CAPN3: variants seen among roughly 807,000 people sequenced by gnomAD.
CAPN3 encodes the protein calpain-3.
CAPN3 carries 88 observed loss-of-function variants against 114.0 expected under a neutral mutation model. That is an observed-to-expected ratio of 0.77 (90% CI 0.65 to 0.92). The LOEUF (loss-of-function observed/expected upper bound fraction) is 0.92, where lower values mean the gene tolerates loss of function less well. CAPN3 is among the 40% of genes least tolerant of loss of function. The probability of loss-of-function intolerance (pLI) is 0.00; values close to 1 mark genes in which losing one functional copy is unlikely to be tolerated. For missense variants in CAPN3, 1,028 were observed against 1,069.0 expected (o/e 0.96, Z 0.53); for synonymous variants, 386 against 382.9 (o/e 1.01, Z -0.09).
chr15:42,385,949 A>C, intron 2 of CAPN3: 1 of 722,294 alleles, frequency 1.4e-6, no homozygotes, highest in Non-Finnish European at 2.5e-6. Flanking sequence ...ATGTCTAGTC[A>C]CAAGGGAGTA....
intron 23 of CAPN3, 73 bp from the exon 24 acceptor site, chr15:42,411,674 T>C: frequency 1.7e-6 from 1 of 598,580 alleles, no homozygotes; most frequent in Non-Finnish European, 2.8e-6. Flanking sequence ...TCTTGCCCCG[T>C]AAGATTCCTA....
chr15:42,366,014 T>C (rs1312021065), intron 1 of CAPN3, among the ~76,000 whole-genome samples: 1 of 152,234 alleles, frequency 6.6e-6, no homozygotes, highest in African/African-American at 2.4e-5. Flanking sequence ...GTCTAGAAGA[T>C]TCTCAATACT....
chr15:42,387,724 G>T, intron 3 of CAPN3, 29 bp from the exon 4 acceptor site: 1 of 1,614,108 alleles, frequency 6.2e-7, no homozygotes, highest in Non-Finnish European at 8.5e-7. Context: ...ATTTGAGTAT[G>T]TGACTCTGTG....
intron 1 of CAPN3, among the ~76,000 whole-genome samples, chr15:42,371,429 A>G (rs990286199): frequency 3.9e-5 from 6 of 152,116 alleles, no homozygotes; most frequent in African/African-American, 1.4e-4. Flanking sequence ...GAAAAGATGC[A>G]TTTTCCTAAT....
intron 1 of CAPN3, among the ~76,000 whole-genome samples, chr15:42,365,946 G>T (rs2052766422): frequency 6.6e-6 from 1 of 152,126 alleles, no homozygotes; most frequent in African/African-American, 2.4e-5. Flanking sequence ...CTTATTTTAA[G>T]AATAGAGTTT....
chr15:42,406,407 C>T (rs541281031), intron 15 of CAPN3, among the ~76,000 whole-genome samples: 46 of 152,248 alleles, frequency 3.0e-4, no homozygotes, highest in African/African-American at 1.1e-3. Context: ...ATGGATCCAT[C>T]ACAGGGGTCC....
At chr15:42,403,547 C>A (rs145803215) in intron 13 of CAPN3, among the ~76,000 whole-genome samples, 194 bp from the exon 14 acceptor site, 1 of 152,094 alleles carries the variant, frequency 6.6e-6, no homozygotes, top group Non-Finnish European at 1.5e-5. Context: ...CTAACAAGAA[C>A]CTGCGTGCCT....
At chr15:42,394,200 A>T (rs2053631087) in intron 7 of CAPN3, 56 bp from the exon 8 acceptor site, 5 of 1,488,008 alleles carry the variant, frequency 3.4e-6, no homozygotes, top group Non-Finnish European at 4.6e-6. Flanking sequence ...AGCAAGACAG[A>T]AGATTCCCTT....
intron 14 of CAPN3, chr15:42,404,060 GA>G (rs1163248900): frequency 3.6e-6 from 2 of 562,274 alleles, no homozygotes; most frequent in African/African-American, 3.7e-5. Context: ...AAGGCCACAG[GA>G]AGGGATGACA....
At chr15:42,408,590 A>C (rs2054098248) in intron 16 of CAPN3, 1 of 444,778 alleles carries the variant, frequency 2.2e-6, no homozygotes, top group Middle Eastern at 6.5e-4. Context: ...GATACAGAGA[A>C]GGGGAGGCAA....
At chr15:42,379,433 A>C (rs767887835) in intron 1 of CAPN3, among the ~76,000 whole-genome samples, 4 of 152,228 alleles carry the variant, frequency 2.6e-5, no homozygotes, top group Non-Finnish European at 5.9e-5. Flanking sequence ...AATTCTATTA[A>C]TGTCAATTTG....
chr15:42,411,630 TG>T, intron 23 of CAPN3, 116 bp from the exon 24 acceptor site: 1 of 746,402 alleles, frequency 1.3e-6, no homozygotes. Context: ...GAAAATCTTC[TG>T]GGGGTCTGAC....
At chr15:42,379,852 C>T (rs886800808) in intron 1 of CAPN3, among the ~76,000 whole-genome samples, 4 of 151,690 alleles carry the variant, frequency 2.6e-5, no homozygotes, top group African/African-American at 9.7e-5. Context: ...CATGGTGGCT[C>T]ACGCCTGTAA....
At chr15:42,368,523 A>T (rs548137006) in intron 1 of CAPN3, among the ~76,000 whole-genome samples, 2 of 152,350 alleles carry the variant, frequency 1.3e-5, no homozygotes, top group South Asian at 4.1e-4. Context: ...ATATTAAATA[A>T]GGTGTCTTTA....
chr15:42,408,254 T>A lies in CAPN3; in HGVS notation c.1844T>A (p.Leu615Gln). The A allele has an allele frequency of 6.2e-7, 1 of 1,613,932 alleles. No individual in the cohort carries two copies. The change falls in exon 16 of 24, where the codon CTG becomes CAG. Residue 615 changes from leucine (L) to glutamine (Q), a missense_variant. By Grantham distance (113) the Leu-to-Gln change is moderately radical (BLOSUM62 -2). Coordinates refer to ENST00000397163, the MANE Select transcript of CAPN3 (RefSeq NM_000070.3). Reference sequence around the variant, plus strand: ...GACAGAGCAAACAGCAACAAGGAGCTGGGTGTGGACCAGGAGTCAGAGGAG... The same window carrying A: ...GACAGAGCAAACAGCAACAAGGAGCAGGGTGTGGACCAGGAGTCAGAGGAG... The part of the protein sequence containing the change: ...VSDRANSNKE[L>Q]GVDQESEEGK...
At chr15:42,389,649 G>C (rs2053499927) in intron 5 of CAPN3, among the ~76,000 whole-genome samples, 1 of 152,234 alleles carries the variant, frequency 6.6e-6, no homozygotes, top group African/African-American at 2.4e-5. Flanking sequence ...GGGCTGCTCA[G>C]TATATTGATA....
In CAPN3 at chr15:42,403,735, T is replaced by A; in HGVS notation, c.1746-6T>A. The stretch of plus-strand genomic sequence containing the variant: ...CTGAGACCCCACATGTCTGTATTCC[T>A]CACAGGGAAGTTGAAAATACCATCT... On this transcript the variant is annotated splice_polypyrimidine_tract_variant and splice_region_variant and intron_variant, in intron 13 of 23. Coordinates refer to ENST00000397163, the MANE Select transcript of CAPN3 (RefSeq NM_000070.3). The A allele has an allele frequency of 1.2e-6, 2 of 1,613,756 alleles. No individual in the cohort carries two copies. Among genetic ancestry groups the A allele is most frequent in the South Asian group, 2.2e-5 (2 of 91,062 alleles).
chr15:42,397,766 G>A (rs538593096), intron 9 of CAPN3, among the ~76,000 whole-genome samples: 1 of 152,004 alleles, frequency 6.6e-6, no homozygotes, highest in Non-Finnish European at 1.5e-5. Flanking sequence ...TCTCGGGCTG[G>A]TCTCAAACTC....
intron 7 of CAPN3, among the ~76,000 whole-genome samples, chr15:42,393,901 C>A (rs979263292): frequency 9.9e-5 from 15 of 152,068 alleles, no homozygotes; most frequent in African/African-American, 2.2e-4. Context: ...CCAGCAGGGG[C>A]CTTTTTTCTA....
Sources: allele counts gnomAD v4.1 joint callset (sites outside exome capture counted in the v4.1 genomes callset), GRCh38; gene constraint gnomAD v4.1.1; transcripts MANE v1.5; gene names NCBI Gene and HGNC (gene_info 2026-07-23, HGNC 2026-07-21).